Variants in CALN1 observed in about 807,000 individuals in gnomAD.
CALN1 encodes calneuron 1, also known as calcium-binding protein 8.
Under a neutral mutation model 30.6 loss-of-function variants are expected in CALN1, and 17 were observed. That is an observed-to-expected ratio of 0.56 (90% confidence interval 0.38 to 0.83). The LOEUF (loss-of-function observed/expected upper bound fraction) is 0.83, where lower values mean the gene tolerates loss of function less well. Among genes scored for constraint, CALN1 ranks in the 40% least tolerant of loss-of-function variants. The pLI, the probability that CALN1 is intolerant of heterozygous loss-of-function variation, is 0.00. For missense variants in CALN1, 291 were observed against 354.9 expected (o/e 0.82, Z 1.45); for synonymous variants, 156 against 131.4 (o/e 1.19, Z -1.28).
At chr7:72,299,820 C>A (rs1799131938) in intron 2 of CALN1, among the ~76,000 whole-genome samples, 1 of 151,790 alleles carries the variant, frequency 6.6e-6, no homozygotes, top group African/African-American at 2.4e-5. Context: ...CAGGCCTGAG[C>A]CAGCATGCCT....
At chr7:72,372,374 C>T (rs1490929166) in intron 2 of CALN1, among the ~76,000 whole-genome samples, 1 of 152,106 alleles carries the variant, frequency 6.6e-6, no homozygotes, top group Non-Finnish European at 1.5e-5. Flanking sequence ...CCCAACACAA[C>T]TGTAGTTGCA....
chr7:72,237,454 G>A (rs1213523154), intron 3 of CALN1, among the ~76,000 whole-genome samples: 5 of 152,188 alleles, frequency 3.3e-5, no homozygotes, highest in African/African-American at 7.2e-5. Context: ...CAGGGCCAAA[G>A]AAGTAGACTG....
At chr7:72,243,527 T>C (rs1014299510) in intron 3 of CALN1, among the ~76,000 whole-genome samples, 2 of 152,066 alleles carry the variant, frequency 1.3e-5, no homozygotes, top group African/African-American at 4.8e-5. Flanking sequence ...GGGGATGCAG[T>C]GTTGGGGACT....
chr7:72,245,017 G>C (rs1562788582), intron 3 of CALN1, among the ~76,000 whole-genome samples: 1 of 152,154 alleles, frequency 6.6e-6, no homozygotes, highest in Non-Finnish European at 1.5e-5. Flanking sequence ...GAGGAAAACA[G>C]AACAGGACCA....
chr7:72,217,480 A>T (rs10227470), intron 3 of CALN1, among the ~76,000 whole-genome samples: 1,921 of 152,150 alleles, frequency 0.013, 51 homozygotes, highest in Non-Finnish European at 0.013. Context: ...GCAACCAGTT[A>T]CTCTTCAAAG....
At chr7:71,826,059 A>G (rs1301566098) in intron 5 of CALN1, among the ~76,000 whole-genome samples, 1 of 137,586 alleles carries the variant, frequency 7.3e-6, no homozygotes, top group Non-Finnish European at 1.6e-5. Flanking sequence ...AAAAAAAAAA[A>G]GGCAGAAAAC....
intron 5 of CALN1, among the ~76,000 whole-genome samples, chr7:71,918,446 A>C (rs1327755195): frequency 1.3e-5 from 2 of 152,224 alleles, no homozygotes; most frequent in Non-Finnish European, 2.9e-5. Context: ...AATGGGAACA[A>C]TAACTCAGCC....
At chr7:72,160,268 T>C (rs112292024) in intron 3 of CALN1, among the ~76,000 whole-genome samples, 41 of 138,258 alleles carry the variant, frequency 3.0e-4, no homozygotes, top group Middle Eastern at 3.5e-3. Flanking sequence ...GAACACTATT[T>C]ATTTTCTTTT....
chr7:72,442,547 T>C (rs888498825), intron 1 of CALN1, among the ~76,000 whole-genome samples: 1 of 148,646 alleles, frequency 6.7e-6, no homozygotes, highest in Non-Finnish European at 1.5e-5. Flanking sequence ...TTATTTAGGA[T>C]TGGACTTTAT....
intron 2 of CALN1, among the ~76,000 whole-genome samples, chr7:72,361,164 C>T (rs1444561236): frequency 6.6e-6 from 1 of 152,052 alleles, no homozygotes; most frequent in Non-Finnish European, 1.5e-5. Flanking sequence ...ATGCACAAAT[C>T]AAGATGAAGC....
At chr7:72,138,195 G>A (rs1420078679) in intron 3 of CALN1, among the ~76,000 whole-genome samples, 2 of 151,644 alleles carry the variant, frequency 1.3e-5, no homozygotes, top group African/African-American at 4.8e-5. Flanking sequence ...ATGTGCCTAA[G>A]GGAAAAAGAC....
chr7:72,299,241 C>T (rs1329918844), intron 2 of CALN1, among the ~76,000 whole-genome samples: 1 of 152,114 alleles, frequency 6.6e-6, no homozygotes, highest in African/African-American at 2.4e-5. Context: ...TACATGCCCT[C>T]CCCTTTGAAA....
At chr7:72,316,155 G>C (rs568755018) in intron 2 of CALN1, among the ~76,000 whole-genome samples, 4 of 49,742 alleles carry the variant, frequency 8.0e-5, no homozygotes, top group South Asian at 1.3e-3. Flanking sequence ...TAAAAAAAAA[G>C]AAAGAAAGAA....
chr7:72,097,978 T>C (rs1175413739), intron 4 of CALN1, among the ~76,000 whole-genome samples: 1 of 152,124 alleles, frequency 6.6e-6, no homozygotes, highest in Admixed American at 6.5e-5. Context: ...CCTCACAAAG[T>C]GCTGGGATTA....
At chr7:72,405,651 G>T (rs1353078596) in intron 1 of CALN1, among the ~76,000 whole-genome samples, 2 of 151,994 alleles carry the variant, frequency 1.3e-5, no homozygotes, top group Non-Finnish European at 2.9e-5. Context: ...CGAAACTCTT[G>T]GAGACTTCTC....
At chr7:72,338,772 G>C (rs748688449) in intron 2 of CALN1, among the ~76,000 whole-genome samples, 5 of 151,970 alleles carry the variant, frequency 3.3e-5, no homozygotes, top group Non-Finnish European at 7.4e-5. Flanking sequence ...GAACCGGGTA[G>C]CATTCCCTCA....
intron 5 of CALN1, among the ~76,000 whole-genome samples, chr7:71,817,333 T>C (rs1017558921): frequency 2.0e-5 from 3 of 152,192 alleles, no homozygotes; most frequent in Non-Finnish European, 4.4e-5. Flanking sequence ...CCAGTTCTCC[T>C]TTGTACTTTT....
At chr7:71,935,819 A>G (rs1795799505) in intron 5 of CALN1, among the ~76,000 whole-genome samples, 1 of 152,190 alleles carries the variant, frequency 6.6e-6, no homozygotes. Context: ...AAATGAAGAC[A>G]CCCATCTGCC....
intron 4 of CALN1, among the ~76,000 whole-genome samples, chr7:72,051,896 C>T (rs911350926): frequency 1.3e-5 from 2 of 152,164 alleles, no homozygotes; most frequent in African/African-American, 4.8e-5. Context: ...CCTTTCTCGA[C>T]AAAGTAAGAG....
Sources: allele counts gnomAD v4.1 joint callset (sites outside exome capture counted in the v4.1 genomes callset), GRCh38; gene constraint gnomAD v4.1.1; transcripts MANE v1.5; gene names NCBI Gene and HGNC (gene_info 2026-07-23, HGNC 2026-07-21).